GABRG3: variants seen among roughly 807,000 people sequenced by gnomAD.
GABRG3 encodes the protein gamma-aminobutyric acid type A receptor subunit gamma3.
A neutral mutation model predicts 48.8 loss-of-function variants in GABRG3; 25 were observed. The observed-to-expected ratio is 0.51, with a 90% CI of 0.37 to 0.72. The LOEUF (loss-of-function observed/expected upper bound fraction) is 0.72, where lower values mean the gene tolerates loss of function less well. Among genes scored for constraint, GABRG3 ranks in the 30% least tolerant of loss-of-function variants. The pLI, the probability that GABRG3 is intolerant of heterozygous loss-of-function variation, is 0.00. For synonymous variants in GABRG3, 227 were observed against 217.6 expected (o/e 1.04, Z -0.38); for missense variants, 394 against 577.9 (o/e 0.68, Z 3.26).
chr15:27,420,444 C>T (rs961792058), intron 5 of GABRG3, among the ~76,000 whole-genome samples: 4 of 152,104 alleles, frequency 2.6e-5, no homozygotes, highest in African/African-American at 4.8e-5. Context: ...TTCAGTTATG[C>T]GAGATGAGTA....
intron 5 of GABRG3, among the ~76,000 whole-genome samples, chr15:27,416,506 C>G (rs1421712658): frequency 6.6e-6 from 1 of 152,204 alleles, no homozygotes; most frequent in Non-Finnish European, 1.5e-5. Context: ...TCCTTTTCTT[C>G]TCCTTCTGCC....
At chr15:27,519,291 CG>C (rs1891102302) in intron 6 of GABRG3, among the ~76,000 whole-genome samples, 1 of 152,060 alleles carries the variant, frequency 6.6e-6, no homozygotes, top group African/African-American at 2.4e-5. Context: ...TTCAAGCCCC[CG>C]GGGGATCTTA....
At chr15:27,242,203 A>G (rs1408111423) in intron 3 of GABRG3, among the ~76,000 whole-genome samples, 1 of 152,226 alleles carries the variant, frequency 6.6e-6, no homozygotes, top group African/African-American at 2.4e-5. Flanking sequence ...CTTTTTAGCA[A>G]CAGCTCAGAT....
intron 5 of GABRG3, among the ~76,000 whole-genome samples, chr15:27,358,624 CCAAAA>C (rs778039180): frequency 3.9e-5 from 6 of 152,028 alleles, no homozygotes; most frequent in Middle Eastern, 3.4e-3. Flanking sequence ...CCACCGAGAT[CCAAAA>C]AGGAATGCTG....
chr15:27,057,899 T>C (rs1400481513), intron 3 of GABRG3, among the ~76,000 whole-genome samples: 1 of 152,184 alleles, frequency 6.6e-6, no homozygotes, highest in Non-Finnish European at 1.5e-5. Flanking sequence ...GACAGTCCGC[T>C]CCCATTGCAA....
At chr15:27,294,223 CTTTTTTT>C (rs1162063750) in intron 3 of GABRG3, among the ~76,000 whole-genome samples, 2 of 129,300 alleles carry the variant, frequency 1.5e-5, no homozygotes, top group South Asian at 2.4e-4. Flanking sequence ...TTTCTTTTTC[CTTTTTTT>C]TTTTTTTTTT....
chr15:27,293,308 T>TA (rs1891855599), intron 3 of GABRG3, among the ~76,000 whole-genome samples: 1 of 151,934 alleles, frequency 6.6e-6, no homozygotes, highest in African/African-American at 2.4e-5. Flanking sequence ...AAAGATCTGA[T>TA]AAAAAAGAAA....
chr15:27,248,803 C>CACACAGAGAGAGAGAGAG (rs1377080195), intron 3 of GABRG3, among the ~76,000 whole-genome samples: 67 of 110,222 alleles, frequency 6.1e-4, no homozygotes, highest in African/African-American at 2.6e-3. Flanking sequence ...CACACACACA[C>CACACAGAGAGAGAGAGAG]AGAGAGAGAG....
At chr15:27,327,115 C>A in intron 4 of GABRG3, 86 bp downstream of exon 4, 1 of 1,169,698 alleles carries the variant, frequency 8.5e-7, no homozygotes, top group Non-Finnish European at 1.2e-6. Flanking sequence ...ACCCTATTTT[C>A]ATCTCTAAGT....
chr15:26,979,239 T>A (rs1895007829), intron 2 of GABRG3, among the ~76,000 whole-genome samples: 1 of 152,218 alleles, frequency 6.6e-6, no homozygotes, highest in South Asian at 2.1e-4. Flanking sequence ...TTTGTTTGTT[T>A]TGTAGGTTCC....
chr15:27,391,915 A>G (rs935378225), intron 5 of GABRG3, among the ~76,000 whole-genome samples: 1 of 152,234 alleles, frequency 6.6e-6, no homozygotes, highest in Non-Finnish European at 1.5e-5. Flanking sequence ...CCACGCATTT[A>G]CTACACACAC....
rs566117605 is a variant in GABRG3, at chr15:27,160,779, C to G, written c.270+133958C>G. Among the ~76,000 whole-genome samples the G allele has an allele frequency of 3.4e-4, 51 of 152,038 alleles. 1 individual carries two copies. In the South Asian group the frequency reaches 0.011, roughly 32 times the overall value. On this transcript the variant is annotated intron_variant, in intron 3 of 9. Transcript: ENST00000615808. ...CATGATAGAGCATTTCCCTACTGGC[C>G]TCTCATGAATAAGTAGATATGAAGC...
At chr15:27,183,198 T>G (rs1425200785) in intron 3 of GABRG3, among the ~76,000 whole-genome samples, 1 of 152,164 alleles carries the variant, frequency 6.6e-6, no homozygotes, top group Non-Finnish European at 1.5e-5. Flanking sequence ...TTATTTTCTT[T>G]CTAATATGTA....
At chr15:27,492,176 C>G (rs922305737) in intron 6 of GABRG3, among the ~76,000 whole-genome samples, 4 of 152,132 alleles carry the variant, frequency 2.6e-5, no homozygotes, top group Admixed American at 6.5e-5. Context: ...TAAAAAGTAG[C>G]TAGCCAGCCC....
intron 3 of GABRG3, among the ~76,000 whole-genome samples, chr15:27,204,971 A>G (rs941561192): frequency 1.3e-5 from 2 of 152,132 alleles, no homozygotes; most frequent in African/African-American, 4.8e-5. Flanking sequence ...TGGGTATAGA[A>G]TCATATAGTC....
At chr15:27,080,449 A>C (rs2140743651) in intron 3 of GABRG3, among the ~76,000 whole-genome samples, 2 of 152,196 alleles carry the variant, frequency 1.3e-5, no homozygotes, top group Middle Eastern at 6.8e-3. Flanking sequence ...TCATCTCTAA[A>C]AAACCAAAAA....
At chr15:27,264,018 T>C (rs1480278188) in intron 3 of GABRG3, among the ~76,000 whole-genome samples, 1 of 151,294 alleles carries the variant, frequency 6.6e-6, no homozygotes, top group Non-Finnish European at 1.5e-5. Flanking sequence ...ACGTGCCAGA[T>C]ATAGTAGGGG....
At chr15:27,027,608 A>G (rs1896007866) in intron 3 of GABRG3, among the ~76,000 whole-genome samples, 2 of 152,186 alleles carry the variant, frequency 1.3e-5, no homozygotes, top group Admixed American at 6.5e-5. Context: ...GTTTCTTTTC[A>G]TTGCCAGATT....
rs75424996 is a variant in GABRG3 at position 27,101,513 on chromosome 15, G to T, written c.270+74692G>T. On this transcript the variant is annotated intron_variant, in intron 3 of 9. Coordinates refer to ENST00000615808, the MANE Select transcript of GABRG3 (RefSeq NM_033223.5). ...TTGAAAAAGAAGAATGAAATTGGAG[G>T]AATTAGTCTGCCTGATTTCAAGCTA... 9.1e-4 allele frequency among the ~76,000 whole-genome samples: 138 copies of T among 152,204 alleles called. 2 individuals are homozygous for T. In the East Asian group the frequency reaches 0.024, roughly 26 times the overall value.
Sources: gnomAD v4.1 joint callset for allele counts (sites outside exome capture counted in the v4.1 genomes callset) on GRCh38, gnomAD v4.1.1 for gene constraint, MANE v1.5 for transcripts, NCBI Gene and HGNC (gene_info 2026-07-23, HGNC 2026-07-21) for gene names.